CLASP2: variants seen among roughly 807,000 people sequenced by gnomAD.
CLASP2 encodes the protein CLIP-associating protein 2.
Under a neutral mutation model 194.4 loss-of-function variants are expected in CLASP2, and 47 were observed. That is an observed-to-expected ratio of 0.24 (90% CI 0.19 to 0.31). The LOEUF (loss-of-function observed/expected upper bound fraction) is 0.31, where lower values mean the gene tolerates loss of function less well. Among genes scored for constraint, CLASP2 ranks in the 10% least tolerant of loss-of-function variants. CLASP2 has a pLI of 1.00. For missense variants in CLASP2, 1,445 were observed against 1,823.6 expected, an observed-to-expected ratio of 0.79 and a Z score of 3.78; for synonymous variants, 619 against 633.5, an observed-to-expected ratio of 0.98 and a Z score of 0.34.
At position 33,498,601 on chromosome 3, in the gene CLASP2, G is replaced by A. The variant is rs1412160752; in HGVS notation, c.*30C>T. 1.3e-6 allele frequency: 2 copies of A among 1,489,224 alleles called. No homozygotes were observed. Among genetic ancestry groups the A allele is most frequent in the Admixed American group, 1.7e-5 (1 of 58,668 alleles). The allele number at this position is 1,489,224 out of a possible 1,614,324, so 92.3% of individuals were successfully genotyped here. A position where few individuals can be genotyped will look rare whatever the true frequency, so the allele number is the denominator to read the frequency against. ...GGGTGGTCTATCTGTCCTTTCTTTT[G>A]AGAGACCTGGTTCGCTGTGATGAGC... is the stretch of plus-strand genomic sequence containing the variant. On this transcript the variant is annotated 3_prime_UTR_variant, in exon 39 of 39. Coordinates refer to ENST00000682230, the MANE Select transcript of CLASP2 (RefSeq NM_001365631.1).
At chr3:33,560,299 G>A (rs1012711033) in intron 28 of CLASP2, among the ~76,000 whole-genome samples, 3 of 151,204 alleles carry the variant, frequency 2.0e-5, no homozygotes, top group Non-Finnish European at 4.4e-5. Flanking sequence ...CTGGAGTGCA[G>A]TGGTGCAATC....
At chr3:33,618,444 A>G (rs2076575222) in intron 12 of CLASP2, among the ~76,000 whole-genome samples, 1 of 152,022 alleles carries the variant, frequency 6.6e-6, no homozygotes, top group Admixed American at 6.6e-5. Flanking sequence ...CAGGGGTTTG[A>G]GACCAGCCTG....
At chr3:33,661,212 T>G (rs1196981285) in intron 7 of CLASP2, among the ~76,000 whole-genome samples, 1 of 152,226 alleles carries the variant, frequency 6.6e-6, no homozygotes, top group African/African-American at 2.4e-5. Flanking sequence ...CATTACCAAC[T>G]GTAACCACAT....
chr3:33,690,954 GATCAGGC>G (rs1356998726), intron 2 of CLASP2, among the ~76,000 whole-genome samples: 2 of 152,218 alleles, frequency 1.3e-5, no homozygotes, highest in East Asian at 3.9e-4. Context: ...ATGGTTTTGG[GATCAGGC>G]ATCATAAAGA....
chr3:33,640,446 A>G (rs1181094399), intron 8 of CLASP2, among the ~76,000 whole-genome samples: 2 of 152,216 alleles, frequency 1.3e-5, no homozygotes, highest in Non-Finnish European at 2.9e-5. Context: ...TTACCTAATT[A>G]TAAGAACTGA....
At chr3:33,620,539 TATA>T (rs2076939849) in intron 11 of CLASP2, among the ~76,000 whole-genome samples, 2 of 152,302 alleles carry the variant, frequency 1.3e-5, no homozygotes, top group East Asian at 1.9e-4. Flanking sequence ...TATGCACTGT[TATA>T]ATATTAGTTT....
At chr3:33,578,233 A>C (rs1380211096) in intron 23 of CLASP2, among the ~76,000 whole-genome samples, 2 of 152,232 alleles carry the variant, frequency 1.3e-5, no homozygotes, top group Admixed American at 6.5e-5. Context: ...TTCTGCATTC[A>C]GTATATTATT....
At chr3:33,522,546 C>T (rs1395695798) in intron 34 of CLASP2, among the ~76,000 whole-genome samples, 1 of 152,044 alleles carries the variant, frequency 6.6e-6, no homozygotes, top group Non-Finnish European at 1.5e-5. Context: ...ATACAGCATA[C>T]TCAGAGAAAA....
chr3:33,537,458 A>C (rs912369939), intron 33 of CLASP2, among the ~76,000 whole-genome samples: 1 of 152,218 alleles, frequency 6.6e-6, no homozygotes, highest in African/African-American at 2.4e-5. Context: ...GCAAACACTG[A>C]GAAACAATGA....
At chr3:33,629,849 C>G (rs1384988488) in intron 9 of CLASP2, among the ~76,000 whole-genome samples, 1 of 149,114 alleles carries the variant, frequency 6.7e-6, no homozygotes, top group Non-Finnish European at 1.5e-5. Context: ...TACAGTCCTA[C>G]TGCAAGAAAC....
chr3:33,646,666 A>AT (rs1022493222), intron 7 of CLASP2, among the ~76,000 whole-genome samples: 1 of 152,174 alleles, frequency 6.6e-6, no homozygotes, highest in Non-Finnish European at 1.5e-5. Context: ...TGTCCCTACC[A>AT]TTAAAAAAAA....
intron 38 of CLASP2, among the ~76,000 whole-genome samples, chr3:33,500,441 G>C (rs1425873969): frequency 6.6e-6 from 1 of 152,074 alleles, no homozygotes; most frequent in African/African-American, 2.4e-5. Flanking sequence ...TAATTGTTTT[G>C]GAAGGTTTGC....
chr3:33,614,852 G>A (rs111431706), intron 12 of CLASP2, among the ~76,000 whole-genome samples: 300 of 152,186 alleles, frequency 2.0e-3, no homozygotes, highest in African/African-American at 6.8e-3. Context: ...TTAGCCAGGC[G>A]TGGTGGCAGG....
At position 33,603,134 on chromosome 3, in the gene CLASP2, T is replaced by C. The variant is rs776195055; in HGVS notation, c.1751-9A>G. The C allele has an allele frequency of 6.4e-6, 10 of 1,552,042 alleles. No individual in the cohort carries two copies. The highest frequency in any genetic ancestry group is 2.6e-6 in the Non-Finnish European group (3 of 1,146,242). ...GCTGCTGCCTGCTGATACTACGAAA[T>C]ACAAAGCAAAGATAACTTATATCAT... is the stretch of plus-strand genomic sequence containing the variant. On this transcript the variant is annotated splice_polypyrimidine_tract_variant and intron_variant, in intron 17 of 38. Coordinates refer to ENST00000682230, the MANE Select transcript of CLASP2 (RefSeq NM_001365631.1).
rs13954 is a variant in CLASP2, at chr3:33,498,401, A to G, written c.*230T>C. Reference sequence around the variant, plus strand: ...ATTAAAAATTACTTTGTGTCGATCAATTGATGTTAATACTGCTTCTTCTTG... The same window carrying G: ...ATTAAAAATTACTTTGTGTCGATCAGTTGATGTTAATACTGCTTCTTCTTG... On this transcript the variant is annotated 3_prime_UTR_variant, in exon 39 of 39. Coordinates refer to ENST00000682230, the MANE Select transcript of CLASP2 (RefSeq NM_001365631.1). The G allele has an allele frequency of 0.38, 148,983 of 396,438 alleles. 29,138 individuals carry two copies. The highest frequency in any genetic ancestry group is 0.51 in the Admixed American group (12,396 of 24,086). 24.6% of individuals were successfully genotyped at this position (396,438 alleles called of 1,614,324 possible). A position where few individuals can be genotyped will look rare whatever the true frequency, so the allele number is the denominator to read the frequency against.
intron 25 of CLASP2, 71 bp from the exon 26 acceptor site, chr3:33,570,861 AT>A: frequency 8.5e-7 from 1 of 1,182,834 alleles, no homozygotes; most frequent in East Asian, 2.7e-5. Flanking sequence ...AACTTTACAT[AT>A]AATTTTCTTT....
At chr3:33,632,607 G>C (rs1348534663) in intron 8 of CLASP2, among the ~76,000 whole-genome samples, 1 of 152,048 alleles carries the variant, frequency 6.6e-6, no homozygotes, top group Non-Finnish European at 1.5e-5. Flanking sequence ...AAACTGTTAA[G>C]AACACAGCCC....
In CLASP2 at chr3:33,573,155, C is replaced by G; in HGVS notation, c.2654G>C (p.Gly885Ala). The change falls in exon 25 of 39, where the codon GGC (glycine) becomes GCC (alanine). Residue 885 changes from glycine to alanine, a missense_variant. By Grantham distance (60) the Gly-to-Ala change is moderately conservative. Coordinates refer to ENST00000682230, the MANE Select transcript of CLASP2 (RefSeq NM_001365631.1). ...TAATAAGTTCTGCAGACCTAGGAGG[C>G]CTTCTTTCCTTTCTGACCAATTGGA... The part of the protein sequence containing the change: ...ASSNWSERKE[G>A]LLGLQNLLKN... The G allele has an allele frequency of 6.2e-7, 1 of 1,613,730 alleles. No homozygotes were observed. Among genetic ancestry groups the G allele is most frequent in the Non-Finnish European group, 8.5e-7 (1 of 1,179,742 alleles).
intron 6 of CLASP2, among the ~76,000 whole-genome samples, chr3:33,668,910 T>C (rs2086658600): frequency 6.6e-6 from 1 of 152,166 alleles, no homozygotes; most frequent in Admixed American, 6.5e-5. Flanking sequence ...GGAGAAATGG[T>C]AAGAATGGCT....
Sources: allele counts gnomAD v4.1 joint callset (sites outside exome capture counted in the v4.1 genomes callset), GRCh38; gene constraint gnomAD v4.1.1; transcripts MANE v1.5; gene names NCBI Gene and HGNC (gene_info 2026-07-23, HGNC 2026-07-21).